Variants in EIF2AK2 observed in about 807,000 individuals in gnomAD.
EIF2AK2 encodes the protein eukaryotic translation initiation factor 2 alpha kinase 2.
Under a neutral mutation model 70.5 loss-of-function variants are expected in EIF2AK2, and 40 were observed. The observed-to-expected ratio is 0.57, with a 90% CI of 0.44 to 0.74. The LOEUF (loss-of-function observed/expected upper bound fraction) is 0.74. Among genes scored for constraint, EIF2AK2 ranks in the 30% least tolerant of loss-of-function variants. EIF2AK2 has a pLI of 0.00. For synonymous variants in EIF2AK2, 198 were observed against 220.9 expected (o/e 0.90, Z 0.92); for missense variants, 555 against 644.3 (o/e 0.86, Z 1.50).
chr2:37,146,762 C>A, intron 4 of EIF2AK2, 91 bp downstream of exon 4: 2 of 1,499,788 alleles, frequency 1.3e-6, no homozygotes, highest in East Asian at 2.3e-5. Flanking sequence ...GTGTGAATGG[C>A]TTTACTCTGT....
chr2:37,141,764 C>T (rs1005018390), intron 4 of EIF2AK2, 63 bp from the exon 5 acceptor site: 1 of 1,457,982 alleles, frequency 6.9e-7, no homozygotes, highest in Non-Finnish European at 9.2e-7. Flanking sequence ...TTTTAAAAAT[C>T]ATTCTTCTAA....
At chr2:37,125,925 G>A (rs1674713963) in intron 11 of EIF2AK2, among the ~76,000 whole-genome samples, 1 of 152,160 alleles carries the variant, frequency 6.6e-6, no homozygotes, top group South Asian at 2.1e-4. Context: ...AAGAAGGTAA[G>A]ACTAGAACAT....
At chr2:37,115,261 A>C in intron 13 of EIF2AK2, 1 of 137,644 alleles carries the variant, frequency 7.3e-6, no homozygotes, top group Non-Finnish European at 1.3e-5. Context: ...ACAGGGTTTC[A>C]CCGTGTTAGC....
chr2:37,122,770 A>C, intron 11 of EIF2AK2, 106 bp from the exon 12 acceptor site: 1 of 1,397,660 alleles, frequency 7.2e-7, no homozygotes, highest in Non-Finnish European at 9.9e-7. Context: ...TTATTAAACC[A>C]TTGCTGTGGT....
At chr2:37,123,103 G>A (rs1049134407) in intron 11 of EIF2AK2, among the ~76,000 whole-genome samples, 4 of 151,828 alleles carry the variant, frequency 2.6e-5, no homozygotes, top group Non-Finnish European at 5.9e-5. Flanking sequence ...AGGAGGCGGA[G>A]GTTGCAGTGA....
At chr2:37,128,391 A>G (rs4670185) in intron 10 of EIF2AK2, among the ~76,000 whole-genome samples, 7,908 of 152,222 alleles carry the variant, frequency 0.052, 300 homozygotes, top group South Asian at 0.09. Flanking sequence ...TTTTTTAATC[A>G]CTGATTTACA....
intron 13 of EIF2AK2, among the ~76,000 whole-genome samples, chr2:37,118,917 A>C (rs1044906732): frequency 7.9e-5 from 12 of 152,190 alleles, no homozygotes; most frequent in African/African-American, 2.9e-4. Context: ...TAGCCACATA[A>C]ATAAGGTACT....
In EIF2AK2 at chr2:37,100,863, T is replaced by A. The variant is rs764746104; in HGVS notation, c.*6410A>T. 6.6e-6 allele frequency: 1 copy of A among 152,208 alleles called. No individual in the cohort carries two copies. Among genetic ancestry groups the A allele is most frequent in the East Asian group, 1.9e-4 (1 of 5,202 alleles). The allele number at this position is 152,208 out of a possible 1,614,324, so 9.4% of individuals were successfully genotyped here. On this transcript the variant is annotated 3_prime_UTR_variant, in exon 17 of 17. Transcript: ENST00000233057. ...CAGTCGCCCCACTACTGGCTTAAAT[T>A]CTAAATTACTGAAAACCATGTAACA...
intron 2 of EIF2AK2, chr2:37,148,586 T>C: frequency 1.2e-6 from 1 of 810,076 alleles, no homozygotes; most frequent in South Asian, 1.3e-5. Context: ...CCATAAAACC[T>C]ACTATACTTG....
At chr2:37,139,587 G>C (rs747481845) in intron 6 of EIF2AK2, 44 bp downstream of exon 6, 11 of 1,595,784 alleles carry the variant, frequency 6.9e-6, no homozygotes, top group South Asian at 2.3e-5. Flanking sequence ...CAACTTCAGA[G>C]GGAATTTTAA....
Position 37,099,802 on chromosome 2 carries a change from T to C in EIF2AK2, c.*7471A>G, listed in dbSNP as rs1673781667. Reference sequence around the variant, plus strand: ...GGATACATAAAATGCGACATATCCATATGATAGAATATTATTTGGCAATAA... The same window carrying C: ...GGATACATAAAATGCGACATATCCACATGATAGAATATTATTTGGCAATAA... On this transcript the variant is annotated 3_prime_UTR_variant, in exon 17 of 17. Transcript: ENST00000233057. The C allele has an allele frequency of 6.6e-6, 1 of 152,178 alleles. No homozygotes were observed. Among genetic ancestry groups the C allele is most frequent in the Non-Finnish European group, 1.5e-5 (1 of 68,024 alleles). 9.4% of individuals were successfully genotyped at this position (152,178 alleles called of 1,614,324 possible).
intron 6 of EIF2AK2, 59 bp from the exon 7 acceptor site, chr2:37,138,644 G>T: frequency 2.1e-6 from 3 of 1,463,192 alleles, no homozygotes; most frequent in South Asian, 1.2e-5. Context: ...CTCTACAGAG[G>T]CTCAGTTTCT....
chr2:37,122,399 TGTGATAATTAATC>T, intron 12 of EIF2AK2, 94 bp downstream of exon 12: 3 of 1,204,298 alleles, frequency 2.5e-6, no homozygotes, highest in Non-Finnish European at 3.5e-6. Context: ...CAGAGGGAAT[TGTGATAATTAATC>T]GTGATGATTA....
intron 4 of EIF2AK2, among the ~76,000 whole-genome samples, chr2:37,145,187 G>T (rs1165662854): frequency 2.1e-5 from 3 of 142,592 alleles, no homozygotes; most frequent in African/African-American, 7.8e-5. Context: ...TTGTCGCCCA[G>T]GCTGGAATGT....
intron 10 of EIF2AK2, among the ~76,000 whole-genome samples, chr2:37,132,655 C>T (rs191508232): frequency 6.3e-4 from 96 of 152,278 alleles, no homozygotes; most frequent in Admixed American, 2.2e-3. Flanking sequence ...ACTAGCCATT[C>T]CCCTCTACAA....
rs564207041 is a variant in EIF2AK2, at chr2:37,156,910, GCGC to G, written c.-189_-187del. The G allele has an allele frequency of 0.052, 9,452 of 181,202 alleles. 919 individuals carry two copies. Among genetic ancestry groups the G allele is most frequent in the African/African-American group, 0.21 (8,634 of 41,350 alleles). The allele number at this position is 181,202 out of a possible 1,614,324, so 11.2% of individuals were successfully genotyped here. A position where few individuals can be genotyped will look rare whatever the true frequency, so the allele number is the denominator to read the frequency against. ...CGGCTGCCCCCTGCCCTGCTCACCT[GCGC>G]CGCCGCCGCCGCCGCCGCCGCCGCC... On this transcript the variant is annotated 5_prime_UTR_variant, in exon 1 of 17. Transcript: ENST00000233057.
chr2:37,109,405 G>A, intron 14 of EIF2AK2, 110 bp from the exon 15 acceptor site: 1 of 869,074 alleles, frequency 1.2e-6, no homozygotes, highest in Non-Finnish European at 1.8e-6. Flanking sequence ...ACAAAACAAT[G>A]TCTATTTATT....
At chr2:37,139,526 G>T in intron 6 of EIF2AK2, 105 bp downstream of exon 6, 1 of 1,459,550 alleles carries the variant, frequency 6.9e-7, no homozygotes, top group Non-Finnish European at 9.3e-7. Context: ...GAATCATTTT[G>T]CTAAATCACT....
In EIF2AK2 at chr2:37,146,992, TTCATAAAATATTA is replaced by T. The variant is rs1373955871; in HGVS notation, c.120-32_120-20del. The T allele has an allele frequency of 2.5e-6, 4 of 1,600,760 alleles. No individual in the cohort carries two copies. On this transcript the variant is annotated intron_variant, in intron 3 of 16. Transcript: ENST00000233057. ...TGTAAACCTGATTACAAAGAGAATATTCATAAAATATTATACAACTCATGCACTATCTAAAAAC... is the reference window on the plus strand; with the variant it reads ...TGTAAACCTGATTACAAAGAGAATATTACAACTCATGCACTATCTAAAAAC...
Sources: allele counts gnomAD v4.1 joint callset (sites outside exome capture counted in the v4.1 genomes callset), GRCh38; gene constraint gnomAD v4.1.1; transcripts MANE v1.5; gene names NCBI Gene and HGNC (gene_info 2026-07-23, HGNC 2026-07-21).